Variants in AFDN observed in about 807,000 individuals in gnomAD.
AFDN encodes the protein afadin, adherens junction formation factor.
A neutral mutation model predicts 216.6 loss-of-function variants in AFDN; 68 were observed. The observed-to-expected ratio is 0.31, with a 90% confidence interval of 0.26 to 0.38. The LOEUF (loss-of-function observed/expected upper bound fraction) is 0.38, where lower values mean the gene tolerates loss of function less well. AFDN is among the 10% of genes least tolerant of loss of function. AFDN has a pLI of 1.00. For missense variants in AFDN, 2,136 were observed against 2,342.0 expected, an observed-to-expected ratio of 0.91 and a Z score of 1.82; for synonymous variants, 868 against 853.7, an observed-to-expected ratio of 1.02 and a Z score of -0.29.
chr6:167,874,057 C>T (rs1017184758), intron 4 of AFDN, among the ~76,000 whole-genome samples: 10 of 152,134 alleles, frequency 6.6e-5, no homozygotes, highest in Non-Finnish European at 1.0e-4. Flanking sequence ...TACAAAGATA[C>T]GTTGCTCATA....
rs751471461 is a variant in AFDN, at chr6:167,969,828, A to G, written c.5389A>G (p.Thr1797Ala). 1.9e-6 allele frequency: 3 copies of G among 1,612,970 alleles called. No homozygotes were observed. The South Asian group carries it at 3.3e-5, about 18-fold the overall frequency. Residue 1797 changes from threonine to alanine, a missense_variant, in exon 34 of 34, where the codon ACA (threonine) becomes GCA (alanine). By Grantham distance (58) the Thr-to-Ala change is moderately conservative. Coordinates refer to ENST00000683244, the MANE Select transcript of AFDN (RefSeq NM_001386888.1). ...PGSSGAPENL[T>A]FKERQRLFSQ... Reference sequence around the variant, plus strand: ...AAGTTCTGGGGCCCCTGAAAACTTGACATTCAAGGAACGCCAGCGTCTTTT... The same window carrying G: ...AAGTTCTGGGGCCCCTGAAAACTTGGCATTCAAGGAACGCCAGCGTCTTTT...
chr6:167,828,059 G>T (rs965506090), intron 1 of AFDN: 2 of 152,242 alleles, frequency 1.3e-5, no homozygotes, highest in Non-Finnish European at 2.9e-5. Context: ...GGGTCGGGGA[G>T]CAACCCTGTA....
At chr6:167,872,039 A>C (rs1784853356) in intron 3 of AFDN, among the ~76,000 whole-genome samples, 175 bp from the exon 4 acceptor site, 1 of 152,186 alleles carries the variant, frequency 6.6e-6, no homozygotes, top group South Asian at 2.1e-4. Flanking sequence ...AAATACACCC[A>C]TGTAACTGCC....
intron 1 of AFDN, among the ~76,000 whole-genome samples, chr6:167,859,285 C>G (rs1266338289): frequency 6.6e-6 from 1 of 152,126 alleles, no homozygotes; most frequent in Non-Finnish European, 1.5e-5. Flanking sequence ...TTAAGTAGGT[C>G]AAATGGCTAT....
At chr6:167,889,382 G>A in intron 7 of AFDN, 56 bp downstream of exon 7, 2 of 1,192,962 alleles carry the variant, frequency 1.7e-6, no homozygotes, top group South Asian at 2.5e-5. Context: ...TATACCAGGT[G>A]TTCACCTTAT....
intron 1 of AFDN, among the ~76,000 whole-genome samples, chr6:167,851,641 A>T (rs952210940): frequency 3.9e-5 from 6 of 152,214 alleles, no homozygotes; most frequent in Non-Finnish European, 8.8e-5. Flanking sequence ...CACTTTATAG[A>T]CAGGGAACTT....
At chr6:167,958,767 T>G (rs1796763821) in intron 30 of AFDN, among the ~76,000 whole-genome samples, 1 of 152,244 alleles carries the variant, frequency 6.6e-6, no homozygotes, top group Non-Finnish European at 1.5e-5. Context: ...ATCCCAGGTA[T>G]AGAAGGGGTT....
chr6:167,933,695 A>G (rs1001527443), intron 23 of AFDN, among the ~76,000 whole-genome samples: 1 of 152,268 alleles, frequency 6.6e-6, no homozygotes, highest in African/African-American at 2.4e-5. Context: ...AGTAAATTAT[A>G]TAAAAGAATA....
At chr6:167,840,264 G>T (rs1296498297) in intron 1 of AFDN, among the ~76,000 whole-genome samples, 1 of 152,214 alleles carries the variant, frequency 6.6e-6, no homozygotes, top group Admixed American at 6.5e-5. Context: ...GAATCTGTGC[G>T]CAGACATGTG....
chr6:167,924,383 CAGG>C (rs1792227406), intron 22 of AFDN, among the ~76,000 whole-genome samples: 1 of 152,172 alleles, frequency 6.6e-6, no homozygotes, highest in East Asian at 1.9e-4. Context: ...TTGAGTCTGT[CAGG>C]AGCTGTCTTG....
At chr6:167,889,065 T>C (rs1304304495) in intron 6 of AFDN, 150 bp from the exon 7 acceptor site, 2 of 563,568 alleles carry the variant, frequency 3.5e-6, no homozygotes, top group East Asian at 5.9e-5. Context: ...CTTTTATTGA[T>C]GATTATTTTG....
At position 167,951,279 on chromosome 6, in the gene AFDN, A is replaced by G; in HGVS notation, c.3925A>G (p.Ser1309Gly). The change falls in exon 30 of 34, where the codon AGT (serine) becomes GGT (glycine). Residue 1309 changes from serine to glycine, a missense_variant. By Grantham distance (56) the Ser-to-Gly change is moderately conservative. Around this residue, in one of 8 missense-constraint regions of AFDN, gnomAD observed 981 missense variants for 966.0 expected, o/e 1.02. Transcript: ENST00000683244. The surrounding 1 kb of genome is among the most constrained non-coding windows in gnomAD (Gnocchi z 7.1). The stretch of plus-strand genomic sequence containing the variant: ...GGCAGCTATGGACCGAAAGTCTGAT[A>G]GTGATATGTGGATAAATCAGAGCTC... ...IEAAMDRKSDSDMWINQSSSL... is the reference protein window; with the variant it reads ...IEAAMDRKSDGDMWINQSSSL... 3 of 1,614,012 alleles carry G rather than the reference A, an allele frequency of 1.9e-6. No individual in the cohort carries two copies. Among genetic ancestry groups the G allele is most frequent in the Non-Finnish European group, 2.5e-6 (3 of 1,179,982 alleles).
chr6:167,864,550 G>T lies in AFDN; in HGVS notation c.106-1G>T. On this transcript the variant is annotated splice_acceptor_variant, in intron 1 of 33. Transcript: ENST00000683244. LOFTEE classifies it high-confidence loss of function. ...AAATGTACCATTTTGTTTTCTTTTA[G>T]GATTTGGAGTTCCATGGAGTGATGA... The T allele has an allele frequency of 6.2e-7, 1 of 1,607,608 alleles. No homozygotes were observed. The highest frequency in any genetic ancestry group is 8.5e-7 in the Non-Finnish European group (1 of 1,177,206).
intron 3 of AFDN, 62 bp downstream of exon 3, chr6:167,870,560 G>A: frequency 2.2e-6 from 2 of 922,028 alleles, no homozygotes; most frequent in African/African-American, 1.7e-5. Context: ...TGATAAACAG[G>A]AGACTGATGT....
At chr6:167,877,776 C>G (rs1167101052) in intron 5 of AFDN, among the ~76,000 whole-genome samples, 1 of 152,194 alleles carries the variant, frequency 6.6e-6, no homozygotes, top group Non-Finnish European at 1.5e-5. Flanking sequence ...GTGAACACCA[C>G]TTCTCTGAGA....
At chr6:167,887,064 G>A (rs1023851349) in intron 6 of AFDN, among the ~76,000 whole-genome samples, 4 of 149,968 alleles carry the variant, frequency 2.7e-5, no homozygotes, top group Non-Finnish European at 4.4e-5. Flanking sequence ...GATACCTGGT[G>A]TTGCTCCAGT....
At chr6:167,900,299 A>C (rs972321429) in intron 11 of AFDN, among the ~76,000 whole-genome samples, 1 of 152,238 alleles carries the variant, frequency 6.6e-6, no homozygotes, top group Non-Finnish European at 1.5e-5. Flanking sequence ...TGTGTCTTCA[A>C]ATCCTACTGA....
In AFDN at chr6:167,924,486, G is replaced by C. The variant is rs570923653; in HGVS notation, c.3013-519G>C. ...CTCTGGGTGTTGCTGCATGAGTCCT[G>C]CAGCGGCCCTGGTGCTGTGATTTAA... On this transcript the variant is annotated intron_variant, in intron 22 of 33. Coordinates refer to ENST00000683244, the MANE Select transcript of AFDN (RefSeq NM_001386888.1). Among the ~76,000 whole-genome samples, 3 of 152,328 alleles carry C rather than the reference G, an allele frequency of 2.0e-5. No individual in the cohort carries two copies. The East Asian group carries it at 5.8e-4, about 29-fold the overall frequency.
At chr6:167,916,863 C>A (rs73032786) in intron 19 of AFDN, among the ~76,000 whole-genome samples, 8 of 152,044 alleles carry the variant, frequency 5.3e-5, no homozygotes, top group Non-Finnish European at 8.8e-5. Flanking sequence ...TATACATGCA[C>A]GTCATAAAAT....
Sources: allele counts gnomAD v4.1 joint callset (sites outside exome capture counted in the v4.1 genomes callset), GRCh38; gene constraint gnomAD v4.1.1; regional missense constraint gnomAD v4.1.1; non-coding constraint Gnocchi (gnomAD v3.1); transcripts MANE v1.5; gene names NCBI Gene and HGNC (gene_info 2026-07-23, HGNC 2026-07-21).